The following GHITM variants were observed in gnomAD, a reference collection of about 807,000 sequenced individuals.
The protein encoded by GHITM is growth hormone inducible transmembrane protein.
In GHITM, 24 loss-of-function variants were observed where a neutral mutation model predicts 38.7. The observed-to-expected ratio is 0.62, with a 90% CI of 0.45 to 0.87. The LOEUF is 0.87. Ranked by LOEUF, GHITM falls within the 40% of genes least tolerant of loss-of-function variation. GHITM has a pLI of 0.00. For synonymous variants in GHITM, 154 were observed against 147.8 expected (o/e 1.04, Z -0.30); for missense variants, 420 against 429.8 (o/e 0.98, Z 0.20).
intron 2 of GHITM, 129 bp downstream of exon 2, chr10:84,141,758 T>G: frequency 1.2e-6 from 1 of 802,738 alleles, no homozygotes; most frequent in South Asian, 1.5e-5. Flanking sequence ...CCCAATCAGC[T>G]CTTTCTCCCC....
chr10:84,151,986 A>G (rs543358884), intron 8 of GHITM, among the ~76,000 whole-genome samples: 2 of 152,252 alleles, frequency 1.3e-5, no homozygotes, highest in African/African-American at 4.8e-5. Flanking sequence ...ATTGTCTGCC[A>G]CCTAGTTTTC....
rs1169564891 is a variant in GHITM, at chr10:84,144,093, A to G, written c.328A>G (p.Ile110Val). ...GLGLSNEIGA[I>V]EKAVIWPQYV... ...GGGACTGTCTAATGAGATTGGAGCT[A>G]TTGAAAAGGCTGTGTAAGTAAATTG... Residue 110 changes from isoleucine (I) to valine (V), a missense_variant, in exon 4 of 9, where the codon ATT (isoleucine) becomes GTT (valine). Transcript: ENST00000372134. The G allele has an allele frequency of 5.0e-6, 8 of 1,606,612 alleles. No homozygotes were observed. The highest frequency in any genetic ancestry group is 6.8e-6 in the Non-Finnish European group (8 of 1,173,238).
In GHITM at chr10:84,148,782, C is replaced by T; in HGVS notation, c.536C>T (p.Ser179Leu). 1 of 1,613,454 alleles carries T rather than the reference C, an allele frequency of 6.2e-7. No individual in the cohort carries two copies. The highest frequency in any genetic ancestry group is 2.2e-5 in the East Asian group (1 of 44,870). Residue 179 changes from serine to leucine, a missense_variant, in exon 6 of 9, where the codon TCA becomes TTA. Ser to Leu is a moderately radical substitution (Grantham distance 145). Coordinates refer to ENST00000372134, the MANE Select transcript of GHITM (RefSeq NM_014394.3). ...AMVGAGMLVR[S>L]IPYDQSPGPK... ...GTTGGAGCTGGAATGCTGGTACGAT[C>T]AATACCATATGACCAGAGCCCAGGC...
intron 7 of GHITM, among the ~76,000 whole-genome samples, chr10:84,150,461 T>TG (rs1841600263): frequency 6.6e-6 from 1 of 152,222 alleles, no homozygotes; most frequent in Non-Finnish European, 1.5e-5. Flanking sequence ...ATGGGAAAGT[T>TG]GGTCTGGAGA....
Position 84,141,456 on chromosome 10 carries a change from A to C in GHITM, c.-39-6A>C. The C allele has an allele frequency of 6.3e-7, 1 of 1,590,862 alleles. No homozygotes were observed. Among genetic ancestry groups the C allele is most frequent in the African/African-American group, 1.4e-5 (1 of 73,858 alleles). ...TTTGGTTGGTTTTGCCTTTTTTTTA[A>C]ACTAGCATTTCAGATCTGCTCGGTA... is the stretch of plus-strand genomic sequence containing the variant. On this transcript the variant is annotated splice_polypyrimidine_tract_variant and splice_region_variant and intron_variant, in intron 1 of 8. Transcript: ENST00000372134.
intron 3 of GHITM, among the ~76,000 whole-genome samples, chr10:84,143,740 C>G (rs1396140965): frequency 6.6e-6 from 1 of 152,156 alleles, no homozygotes; most frequent in East Asian, 1.9e-4. Context: ...GTATACTGCT[C>G]CCTCAAATAT....
Position 84,150,813 on chromosome 10 carries a change from C to T in GHITM, c.886C>T (p.Gln296Ter). ...CAGCATGTTCCTTCTGTATGATACC[C>T]AGAAAGTAATCAAGCGTGCAGAAGT... is the stretch of plus-strand genomic sequence containing the variant. ...LFSMFLLYDT[Q>*]KVIKRAEVSP... Residue 296 changes from glutamine (Q) to a stop codon, truncating the protein, a stop_gained, in exon 8 of 9, where the codon CAG (glutamine) becomes TAG (stop). Coordinates refer to ENST00000372134, the MANE Select transcript of GHITM (RefSeq NM_014394.3). LOFTEE classifies it high-confidence loss of function. The T allele has an allele frequency of 6.2e-7, 1 of 1,612,010 alleles. No individual in the cohort carries two copies. Among genetic ancestry groups the T allele is most frequent in the South Asian group, 1.1e-5 (1 of 91,038 alleles).
chr10:84,143,499 A>G (rs1841528019), intron 3 of GHITM, among the ~76,000 whole-genome samples: 1 of 152,186 alleles, frequency 6.6e-6, no homozygotes, highest in Non-Finnish European at 1.5e-5. Flanking sequence ...GCCTCTCAGT[A>G]CCCTAAAACG....
chr10:84,145,166 A>C (rs1841545728), intron 5 of GHITM, 150 bp downstream of exon 5: 1 of 555,144 alleles, frequency 1.8e-6, no homozygotes, highest in African/African-American at 1.9e-5. Context: ...GAGCATCCCT[A>C]ATTTAAAATC....
rs758335572 is a variant in GHITM, at chr10:84,141,625, G to GC, written c.126dup (p.Arg43GlnfsTer34). The GC allele has an allele frequency of 6.2e-7, 1 of 1,613,790 alleles. No individual in the cohort carries two copies. Among genetic ancestry groups the GC allele is most frequent in the Non-Finnish European group, 8.5e-7 (1 of 1,179,714 alleles). ...AAGAATCAATGGCTGTTAACACCTA[G>GC]CAGGGTAAAGATAATCTGAATGTTT... On this transcript the variant is annotated frameshift_variant, in exon 2 of 9. Coordinates refer to ENST00000372134, the MANE Select transcript of GHITM (RefSeq NM_014394.3). LOFTEE classifies it high-confidence loss of function.
intron 1 of GHITM, among the ~76,000 whole-genome samples, chr10:84,141,195 G>A (rs1215072949): frequency 3.3e-5 from 5 of 152,204 alleles, no homozygotes; most frequent in Non-Finnish European, 5.9e-5. Flanking sequence ...AATTTTTGCA[G>A]TCATCTATTT....
chr10:84,150,239 A>C lies in GHITM; in HGVS notation c.777A>C (p.Ser259=). The C allele has an allele frequency of 6.2e-7, 1 of 1,602,490 alleles. No homozygotes were observed. Among genetic ancestry groups the C allele is most frequent in the Non-Finnish European group, 8.5e-7 (1 of 1,173,394 alleles). ...GVGLGLVFVS[S]LGSMFLPPTT... ...GCCTGGGTCTCGTCTTTGTGTCCTC[A>C]TTGGGTAAGCTGCTGTGTTTTAACA... Residue 259 remains serine, a synonymous_variant, in exon 7 of 9, where the codon TCA becomes TCC. Coordinates refer to ENST00000372134, the MANE Select transcript of GHITM (RefSeq NM_014394.3).
intron 3 of GHITM, 133 bp downstream of exon 3, chr10:84,142,887 G>A (rs941775118): frequency 6.0e-6 from 3 of 501,286 alleles, no homozygotes; most frequent in Non-Finnish European, 1.1e-5. Flanking sequence ...GAGATCTGAC[G>A]ACCCAGAAAA....
chr10:84,151,712 G>A (rs943981648), intron 8 of GHITM, among the ~76,000 whole-genome samples: 3 of 151,888 alleles, frequency 2.0e-5, no homozygotes, highest in Admixed American at 1.3e-4. Flanking sequence ...TCTTGGAGTC[G>A]ACCAAAGTGG....
At position 84,153,071 on chromosome 10, in the gene GHITM, T is replaced by C. The variant is rs182386711; in HGVS notation, c.*723T>C. 1 of 152,358 alleles carries C rather than the reference T, an allele frequency of 6.6e-6. No individual in the cohort carries two copies. The highest frequency in any genetic ancestry group is 1.9e-4 in the East Asian group (1 of 5,194). The allele number at this position is 152,358 out of a possible 1,614,324, so 9.4% of individuals were successfully genotyped here. A position where few individuals can be genotyped will look rare whatever the true frequency, so the allele number is the denominator to read the frequency against. On this transcript the variant is annotated 3_prime_UTR_variant, in exon 9 of 9. Coordinates refer to ENST00000372134, the MANE Select transcript of GHITM (RefSeq NM_014394.3). ...ATGGAATTATATATGTGTGTTTTAC[T>C]TTTGAATGTTACAAAAGGAAATAAC...
At chr10:84,141,686 T>G in intron 2 of GHITM, 57 bp downstream of exon 2, 2 of 1,558,778 alleles carry the variant, frequency 1.3e-6, no homozygotes, top group Non-Finnish European at 8.8e-7. Flanking sequence ...GCCCTTTCTT[T>G]TTGGCAGAGT....
rs188759074 is a variant in GHITM, at chr10:84,148,443, C to T, written c.484-287C>T. On this transcript the variant is annotated intron_variant, in intron 5 of 8. Coordinates refer to ENST00000372134, the MANE Select transcript of GHITM (RefSeq NM_014394.3). ...TCCCAAGTAGCTGGGACTACAGGCG[C>T]GCACCACTGCGCCTGGCTAATTTTT... is the stretch of plus-strand genomic sequence containing the variant. Among the ~76,000 whole-genome samples the T allele has an allele frequency of 5.3e-5, 8 of 152,164 alleles. No homozygotes were observed. In the East Asian group the frequency reaches 1.2e-3, roughly 22 times the overall value.
Position 84,152,858 on chromosome 10 carries a change from AGAAACATCTGGGTATTTG to A in GHITM, c.*517_*534del. 6.6e-6 allele frequency: 1 copy of A among 152,604 alleles called. No individual in the cohort carries two copies. Among genetic ancestry groups the A allele is most frequent in the African/African-American group, 2.4e-5 (1 of 41,584 alleles). 9.5% of individuals were successfully genotyped at this position (152,604 alleles called of 1,614,324 possible). The stretch of plus-strand genomic sequence containing the variant: ...GTTATTGATTAGTGAGGAGCCAGTA[AGAAACATCTGGGTATTTG>A]GAAACAAGTGGTCATTGTTACATTC... On this transcript the variant is annotated 3_prime_UTR_variant, in exon 9 of 9. Transcript: ENST00000372134.
At chr10:84,142,837 T>G (rs779069845) in intron 3 of GHITM, 83 bp downstream of exon 3, 6 of 648,218 alleles carry the variant, frequency 9.3e-6, no homozygotes, top group Non-Finnish European at 1.6e-5. Flanking sequence ...AAAATATATG[T>G]GTATTTGTGC....
Sources: allele counts gnomAD v4.1 joint callset (sites outside exome capture counted in the v4.1 genomes callset), GRCh38; gene constraint gnomAD v4.1.1; transcripts MANE v1.5; gene names NCBI Gene and HGNC (gene_info 2026-07-23, HGNC 2026-07-21).